The following STXBP5 variants were observed in gnomAD, a reference collection of about 807,000 sequenced individuals.
The protein encoded by STXBP5 is syntaxin-binding protein 5.
In STXBP5, 50 loss-of-function variants were observed where a neutral mutation model predicts 152.4. That is an observed-to-expected ratio of 0.33 (90% CI 0.26 to 0.42). The LOEUF (loss-of-function observed/expected upper bound fraction) is 0.42, where lower values mean the gene tolerates loss of function less well. Among genes scored for constraint, STXBP5 ranks in the 10% least tolerant of loss-of-function variants. The pLI is 1.00. For synonymous variants in STXBP5, 492 were observed against 494.7 expected, an observed-to-expected ratio of 0.99 and a Z score of 0.07; for missense variants, 1,167 against 1,388.6, an observed-to-expected ratio of 0.84 and a Z score of 2.54.
In STXBP5 at chr6:147,363,105, ATT is replaced by A. The variant is rs561185552; in HGVS notation, c.2546-229_2546-228del. On this transcript the variant is annotated intron_variant, in intron 23 of 27. Coordinates refer to ENST00000321680, the MANE Select transcript of STXBP5 (RefSeq NM_001127715.4). The stretch of plus-strand genomic sequence containing the variant: ...TGCAAAATTTATCATATGTAATTAA[ATT>A]GTGAGTGATCATTAGTGGCATTTAT... Among the ~76,000 whole-genome samples, 9 of 152,336 alleles carry A rather than the reference ATT, an allele frequency of 5.9e-5. 1 individual carries two copies. The South Asian group carries it at 1.9e-3, about 32-fold the overall frequency.
At chr6:147,236,207 T>G (rs1778261804) in intron 3 of STXBP5, among the ~76,000 whole-genome samples, 2 of 152,310 alleles carry the variant, frequency 1.3e-5, no homozygotes, top group South Asian at 4.1e-4. Flanking sequence ...AAAACTATAA[T>G]CCAAATAATT....
Position 147,372,406 on chromosome 6 carries a change from C to CTTTTTTTTTTTTTTTTTTTTTTTTTTTTT in STXBP5, c.3082-1325_3082-1324insTTTTTTTTTTTTTTTTTTTTTTTTTTTTT, listed in dbSNP as rs1583009383. On this transcript the variant is annotated intron_variant, in intron 25 of 27. Coordinates refer to ENST00000321680, the MANE Select transcript of STXBP5 (RefSeq NM_001127715.4). ...ATATAAATGTTACTACCGTCCTTTT[C>CTTTTTTTTTTTTTTTTTTTTTTTTTTTTT]CTTTTTTTTTTTTTTTTTTTTTTTT... Among the ~76,000 whole-genome samples, 32 of 39,108 alleles carry CTTTTTTTTTTTTTTTTTTTTTTTTTTTTT rather than the reference C, an allele frequency of 8.2e-4. 15 individuals carry two copies. Among genetic ancestry groups the CTTTTTTTTTTTTTTTTTTTTTTTTTTTTT allele is most frequent in the East Asian group, 6.5e-3 (6 of 918 alleles). The allele number at this position is 39,108 out of a possible 152,430, so 25.7% of individuals were successfully genotyped here. A position where few individuals can be genotyped will look rare whatever the true frequency, so the allele number is the denominator to read the frequency against.
At position 147,204,547 on chromosome 6, in the gene STXBP5, C is replaced by T; in HGVS notation, c.15C>T (p.Asn5=). ...CCTCCGAGACCATGAGGAAATTCAACATCAGGAAGGTGCTGGACGGCCTGA... is the reference window on the plus strand; with the variant it reads ...CCTCCGAGACCATGAGGAAATTCAATATCAGGAAGGTGCTGGACGGCCTGA... MRKF[N]IRKVLDGLTA... The change falls in exon 1 of 28, where the codon AAC becomes AAT. Residue 5 remains asparagine (N), a synonymous_variant. Transcript: ENST00000321680. This position sits in a 1 kb window ranked among gnomAD's most constrained non-coding sequence, Gnocchi z 4.3. The T allele has an allele frequency of 6.2e-7, 1 of 1,612,150 alleles. No homozygotes were observed. The highest frequency in any genetic ancestry group is 8.5e-7 in the Non-Finnish European group (1 of 1,179,266).
intron 4 of STXBP5, among the ~76,000 whole-genome samples, chr6:147,254,301 A>G (rs1779248542): frequency 6.6e-6 from 1 of 152,262 alleles, no homozygotes; most frequent in Non-Finnish European, 1.5e-5. Flanking sequence ...CTCAAGGTGG[A>G]TTAAAGATTT....
intron 9 of STXBP5, among the ~76,000 whole-genome samples, chr6:147,300,299 T>C (rs770795213): frequency 1.3e-5 from 2 of 152,088 alleles, no homozygotes; most frequent in South Asian, 4.1e-4. Context: ...TAGGAAACTT[T>C]CTAAAATTTA....
At chr6:147,262,420 A>C (rs529036654) in intron 6 of STXBP5, 67 bp downstream of exon 6, 212 of 942,716 alleles carry the variant, frequency 2.2e-4, no homozygotes, top group Non-Finnish European at 3.2e-4. Context: ...TAAACATGCT[A>C]TTTCAGGATC....
chr6:147,233,152 T>G (rs1445092163), intron 2 of STXBP5, among the ~76,000 whole-genome samples: 9 of 151,790 alleles, frequency 5.9e-5, no homozygotes, highest in African/African-American at 2.2e-4. Context: ...AAGAGACATT[T>G]TTAAACAAAC....
chr6:147,360,042 A>G (rs1198565538), intron 23 of STXBP5, among the ~76,000 whole-genome samples: 1 of 152,270 alleles, frequency 6.6e-6, no homozygotes, highest in East Asian at 1.9e-4. Context: ...AAACACATGA[A>G]AAAATGCTCG....
At chr6:147,224,715 A>G (rs906383635) in intron 2 of STXBP5, among the ~76,000 whole-genome samples, 6 of 152,140 alleles carry the variant, frequency 3.9e-5, no homozygotes, top group South Asian at 2.1e-4. Context: ...TTTATCCCCC[A>G]TAACAGTGTG....
chr6:147,342,173 A>G lies in STXBP5; in HGVS notation c.2254+2789A>G, dbSNP rs191477568. Reference sequence around the variant, plus strand: ...CTGTTCTATCTACACAATAATCTGGAAAAAAAAGATTAAGTTCTGTGTTAG... The same window carrying G: ...CTGTTCTATCTACACAATAATCTGGGAAAAAAAGATTAAGTTCTGTGTTAG... On this transcript the variant is annotated intron_variant, in intron 21 of 27. Coordinates refer to ENST00000321680, the MANE Select transcript of STXBP5 (RefSeq NM_001127715.4). Among the ~76,000 whole-genome samples the G allele has an allele frequency of 1.4e-3, 210 of 152,182 alleles. 2 individuals carry two copies. Among genetic ancestry groups the G allele is most frequent in the African/African-American group, 4.9e-3 (202 of 41,514 alleles).
intron 2 of STXBP5, among the ~76,000 whole-genome samples, chr6:147,221,329 T>C (rs910454143): frequency 6.6e-6 from 1 of 152,072 alleles, no homozygotes; most frequent in Admixed American, 6.6e-5. Context: ...ACTAGATCAG[T>C]TAAGAAACAG....
At position 147,386,259 on chromosome 6, in the gene STXBP5, A is replaced by G. The variant is rs1786333246; in HGVS notation, c.*1504A>G. ...ATTGTCTTCTATAAAAAATTCCTTT[A>G]AATGATTTTGTTTTTTCATTAAGAG... On this transcript the variant is annotated 3_prime_UTR_variant, in exon 28 of 28. Coordinates refer to ENST00000321680, the MANE Select transcript of STXBP5 (RefSeq NM_001127715.4). The G allele has an allele frequency of 2.0e-5, 3 of 151,946 alleles. No homozygotes were observed. The South Asian group carries it at 6.2e-4, about 31-fold the overall frequency. The allele number at this position is 151,946 out of a possible 1,614,324, so 9.4% of individuals were successfully genotyped here.
chr6:147,257,882 G>C (rs1016843117), intron 4 of STXBP5, among the ~76,000 whole-genome samples: 115 of 152,238 alleles, frequency 7.6e-4, no homozygotes, highest in African/African-American at 2.6e-3. Context: ...ACCTGGGTCG[G>C]CTCAGCAGGA....
chr6:147,235,285 A>G lies in STXBP5; in HGVS notation c.284A>G (p.His95Arg). The G allele has an allele frequency of 6.2e-7, 1 of 1,613,490 alleles. No individual in the cohort carries two copies. The highest frequency in any genetic ancestry group is 2.2e-5 in the East Asian group (1 of 44,822). Reference sequence around the variant, plus strand: ...CCAGGAGTAGAATGTTATTGCCAGCATGACAGTGGAGCTGCAGTAATCCAG... The same window carrying G: ...CCAGGAGTAGAATGTTATTGCCAGCGTGACAGTGGAGCTGCAGTAATCCAG... ...GRPGVECYCQ[H>R]DSGAAVIQLQ... Residue 95 changes from histidine (H) to arginine (R), a missense_variant, in exon 3 of 28, where the codon CAT becomes CGT. Physicochemically the swap from His to Arg is conservative, Grantham distance 29. This residue lies in a region of STXBP5 where 310 missense variants were observed against 346.1 expected (regional missense o/e 0.90). Coordinates refer to ENST00000321680, the MANE Select transcript of STXBP5 (RefSeq NM_001127715.4).
intron 9 of STXBP5, among the ~76,000 whole-genome samples, chr6:147,306,465 C>T (rs571129551): frequency 2.6e-5 from 4 of 152,178 alleles, no homozygotes; most frequent in South Asian, 2.1e-4. Context: ...AAACAGAAAA[C>T]GAGGAAAAGT....
chr6:147,296,007 T>C (rs1165633645), intron 9 of STXBP5, among the ~76,000 whole-genome samples: 1 of 152,048 alleles, frequency 6.6e-6, no homozygotes, highest in South Asian at 2.1e-4. Context: ...GCTCAGTGCC[T>C]GTGGCCAGGA....
chr6:147,364,193 T>C (rs1785191409), intron 25 of STXBP5, 27 bp downstream of exon 25: 10 of 1,596,812 alleles, frequency 6.3e-6, no homozygotes, highest in Non-Finnish European at 8.5e-6. Context: ...TTACTGTAAT[T>C]TCTTCAGAGG....
At chr6:147,276,231 T>G (rs1392831285) in intron 7 of STXBP5, among the ~76,000 whole-genome samples, 2 of 152,212 alleles carry the variant, frequency 1.3e-5, no homozygotes, top group Non-Finnish European at 2.9e-5. Flanking sequence ...ACGTCTTGTA[T>G]TAAGTTGGAT....
intron 2 of STXBP5, 147 bp from the exon 3 acceptor site, chr6:147,235,103 G>C (rs925422181): frequency 2.1e-5 from 13 of 626,196 alleles, no homozygotes; most frequent in Non-Finnish European, 3.3e-5. Context: ...AGATTGATGT[G>C]TAACAAACCT....
Sources: allele counts gnomAD v4.1 joint callset (sites outside exome capture counted in the v4.1 genomes callset), GRCh38; gene constraint gnomAD v4.1.1; regional missense constraint gnomAD v4.1.1; non-coding constraint Gnocchi (gnomAD v3.1); transcripts MANE v1.5; gene names NCBI Gene and HGNC (gene_info 2026-07-23, HGNC 2026-07-21).